The following SMIM22 variants were observed in gnomAD, a reference collection of about 807,000 sequenced individuals.
SMIM22 encodes small integral membrane protein 22, also known as cancer associated small integral membrane open reading frame 1.
Under a neutral mutation model 8.4 loss-of-function variants are expected in SMIM22, and 16 were observed. That is an observed-to-expected ratio of 1.90 (90% confidence interval 1.29 to 2.89). The LOEUF is 2.89. SMIM22 is among the 30% of genes most tolerant of loss of function. The pLI, the probability that SMIM22 is intolerant of heterozygous loss-of-function variation, is 0.00. For synonymous variants in SMIM22, 67 were observed against 47.6 expected (o/e 1.41, Z -1.68); for missense variants, 159 against 107.5 (o/e 1.48, Z -2.12).
At position 4,795,873 on chromosome 16, in the gene SMIM22, G is replaced by GGCCTCTGGGTCCTCCCA; in HGVS notation, c.124+19_124+35dup. Reference sequence around the variant, plus strand: ...CACCTTCATGGGTAAGTGTGGCTGTGGCCTCTGGGTCCTCCCAGCCCCCTG... The same window carrying GGCCTCTGGGTCCTCCCA: ...CACCTTCATGGGTAAGTGTGGCTGTGGCCTCTGGGTCCTCCCAGCCTCTGGGTCCTCCCAGCCCCCTG... On this transcript the variant is annotated intron_variant, in intron 2 of 3. Transcript: ENST00000586005. 6.5e-7 allele frequency: 1 copy of GGCCTCTGGGTCCTCCCA among 1,535,452 alleles called. No homozygotes were observed. The highest frequency in any genetic ancestry group is 8.7e-7 in the Non-Finnish European group (1 of 1,146,520).
At chr16:4,794,402 C>T (rs150131125), upstream of SMIM22, among the ~76,000 whole-genome samples, 5,689 of 150,634 alleles carry the variant, frequency 0.038, 379 homozygotes, top group African/African-American at 0.13. Flanking sequence ...CCACCACACC[C>T]GACCAATTTT....
chr16:4,795,748 C>G lies in SMIM22; in HGVS notation c.14C>G (p.Thr5Arg), dbSNP rs1200471350. 2 of 1,535,854 alleles carry G rather than the reference C, an allele frequency of 1.3e-6. No individual in the cohort carries two copies. Among genetic ancestry groups the G allele is most frequent in the Admixed American group, 2.0e-5 (1 of 50,974 alleles). Reference sequence around the variant, plus strand: ...GTGCACGCCAAGATGGCTGTGTCCACAGAGGAGCTGGAGGCCACGGTTCAG... The same window carrying G: ...GTGCACGCCAAGATGGCTGTGTCCAGAGAGGAGCTGGAGGCCACGGTTCAG... MAVSTEELEATVQEV... is the reference protein window; with the variant it reads MAVSREELEATVQEV... Residue 5 changes from threonine (T) to arginine (R), a missense_variant, in exon 2 of 4, where the codon ACA becomes AGA. By Grantham distance (71) the Thr-to-Arg change is moderately conservative. Coordinates refer to ENST00000586005, the MANE Select transcript of SMIM22 (RefSeq NM_001253794.2).
At position 4,796,043 on chromosome 16, in the gene SMIM22, T is replaced by C; in HGVS notation, c.220T>C (p.Trp74Arg). 1 of 1,529,892 alleles carries C rather than the reference T, an allele frequency of 6.5e-7. No homozygotes were observed. Among genetic ancestry groups the C allele is most frequent in the South Asian group, 1.2e-5 (1 of 83,578 alleles). 94.8% of individuals were successfully genotyped at this position (1,529,892 alleles called of 1,614,324 possible). Reference sequence around the variant, plus strand: ...GGAAAGCCCCAGGAAGGTGAGCCCCTGGAAGGTGAGCCCTGCCGGCCTCTG... The same window carrying C: ...GGAAAGCCCCAGGAAGGTGAGCCCCCGGAAGGTGAGCCCTGCCGGCCTCTG... ...RRESPRKVSP[W>R]KERPKGVDNL... is the part of the protein sequence containing the mutation. Residue 74 changes from tryptophan to arginine, a missense_variant, in exon 3 of 4, where the codon TGG (tryptophan) becomes CGG (arginine). Transcript: ENST00000586005.
At chr16:4,792,896 G>C (rs1295201429), upstream of SMIM22, among the ~76,000 whole-genome samples, 1 of 151,562 alleles carries the variant, frequency 6.6e-6, no homozygotes, top group African/African-American at 2.4e-5. Flanking sequence ...AATCACCTGA[G>C]GTCAGGAGTT....
At chr16:4,790,615 C>T (rs921908045), upstream of SMIM22, among the ~76,000 whole-genome samples, 2 of 152,124 alleles carry the variant, frequency 1.3e-5, no homozygotes, top group Non-Finnish European at 2.9e-5. Flanking sequence ...TGGCGAAACC[C>T]CATCTCTACT....
At chr16:4,790,822 A>ATT (rs563128115), upstream of SMIM22, among the ~76,000 whole-genome samples, 89 of 149,908 alleles carry the variant, frequency 5.9e-4, no homozygotes, top group Admixed American at 1.3e-3. Flanking sequence ...AAGTAAGTAA[A>ATT]TAAATAAAGG....
upstream of SMIM22, among the ~76,000 whole-genome samples, chr16:4,792,357 A>G (rs571908453): frequency 4.0e-5 from 6 of 151,246 alleles, no homozygotes; most frequent in East Asian, 1.2e-3. Context: ...CGCCCGGCTA[A>G]TTTTTTGTAT....
upstream of SMIM22, among the ~76,000 whole-genome samples, chr16:4,790,766 G>C (rs188118058): frequency 7.2e-5 from 11 of 152,312 alleles, no homozygotes; most frequent in African/African-American, 2.4e-4. Context: ...TCCAGCCTGG[G>C]CGACAGAGTA....
rs1210522819 is a variant in SMIM22, at chr16:4,795,756, C to T, written c.22C>T (p.Leu8=). Residue 8 remains leucine, a synonymous_variant, in exon 2 of 4, where the codon CTG becomes TTG. Transcript: ENST00000586005. ...CAAGATGGCTGTGTCCACAGAGGAG[C>T]TGGAGGCCACGGTTCAGGAAGTCCT... MAVSTEE[L]EATVQEVLGR... is the part of the protein sequence containing the mutation. 3.3e-6 allele frequency: 5 copies of T among 1,535,926 alleles called. No homozygotes were observed. Among genetic ancestry groups the T allele is most frequent in the East Asian group, 4.9e-5 (2 of 40,912 alleles).
chr16:4,790,271 C>G (rs2082531606), intron 2 of SMIM22, among the ~76,000 whole-genome samples: 1 of 152,136 alleles, frequency 6.6e-6, no homozygotes, highest in Non-Finnish European at 1.5e-5. Flanking sequence ...GTTGCAACTA[C>G]TATGCAACTT....
chr16:4,796,283 C>G lies in SMIM22; in HGVS notation c.*52C>G, dbSNP rs1958972652. ...AACAAAGCCTTCTGTCTGCCCAGAG[C>G]CTGAGTCTGCAGTGTCTTCCAGTCC... is the stretch of plus-strand genomic sequence containing the variant. On this transcript the variant is annotated 3_prime_UTR_variant, in exon 4 of 4. Transcript: ENST00000586005. 4.6e-6 allele frequency: 7 copies of G among 1,528,550 alleles called. No homozygotes were observed. Among genetic ancestry groups the G allele is most frequent in the Non-Finnish European group, 4.4e-6 (5 of 1,142,244 alleles). 94.7% of individuals were successfully genotyped at this position (1,528,550 alleles called of 1,614,324 possible).
chr16:4,791,321 T>A (rs893888874), upstream of SMIM22, among the ~76,000 whole-genome samples: 3 of 152,002 alleles, frequency 2.0e-5, no homozygotes, highest in South Asian at 4.1e-4. Flanking sequence ...CTATGCAGCG[T>A]GACTATGGTG....
intron 2 of SMIM22, among the ~76,000 whole-genome samples, chr16:4,789,243 C>T (rs755843645): frequency 2.0e-4 from 30 of 152,160 alleles, no homozygotes; most frequent in Non-Finnish European, 3.2e-4. Flanking sequence ...AGCTTCTGAC[C>T]TCAAGTGATC....
At chr16:4,790,727 T>C (rs573076686), upstream of SMIM22, among the ~76,000 whole-genome samples, 1 of 152,266 alleles carries the variant, frequency 6.6e-6, no homozygotes, top group South Asian at 2.1e-4. Flanking sequence ...AGGTGGAGGT[T>C]GCAGTGAGCC....
chr16:4,792,283 C>T (rs1322946813), upstream of SMIM22, among the ~76,000 whole-genome samples: 3 of 151,500 alleles, frequency 2.0e-5, no homozygotes, highest in African/African-American at 7.3e-5. Context: ...CTCCGCCTCC[C>T]GGGTTCATGC....
chr16:4,795,811 A>T lies in SMIM22; in HGVS notation c.77A>T (p.Gln26Leu). The change falls in exon 2 of 4, where the codon CAG becomes CTG. Residue 26 changes from glutamine (Q) to leucine (L), a missense_variant. By Grantham distance (113) the Gln-to-Leu change is moderately radical. Coordinates refer to ENST00000586005, the MANE Select transcript of SMIM22 (RefSeq NM_001253794.2). ...AGACTGAAGAGCCACCAGTTTTTCC[A>T]GTCCACATGGGACACTGTTGCCTTC... ...LGRLKSHQFF[Q>L]STWDTVAFIV... The T allele has an allele frequency of 6.5e-7, 1 of 1,536,006 alleles. No individual in the cohort carries two copies. The highest frequency in any genetic ancestry group is 8.7e-7 in the Non-Finnish European group (1 of 1,146,826).
chr16:4,796,381 G>C lies in SMIM22; in HGVS notation c.*150G>C, dbSNP rs1452793168. 1.6e-5 allele frequency: 14 copies of C among 864,940 alleles called. No homozygotes were observed. The East Asian group carries it at 3.5e-4, about 21-fold the overall frequency. The allele number at this position is 864,940 out of a possible 1,614,324, so 53.6% of individuals were successfully genotyped here. On this transcript the variant is annotated 3_prime_UTR_variant, in exon 4 of 4. Coordinates refer to ENST00000586005, the MANE Select transcript of SMIM22 (RefSeq NM_001253794.2). ...CCTGGCCTCTCCAAGCCTTCAGTCA[G>C]CACGACTGTGCCAGGTCATCCTCAG...
At chr16:4,791,534 G>C (rs923008579), upstream of SMIM22, among the ~76,000 whole-genome samples, 21 of 152,106 alleles carry the variant, frequency 1.4e-4, no homozygotes, top group African/African-American at 4.8e-4. Context: ...AGGCAGAAGG[G>C]CTCAGGGAAC....
chr16:4,793,478 C>A (rs2082585274), upstream of SMIM22, among the ~76,000 whole-genome samples: 4 of 152,106 alleles, frequency 2.6e-5, no homozygotes, highest in African/African-American at 9.7e-5. Flanking sequence ...GCAATAATAC[C>A]CACTTTAGGA....
Sources: allele counts gnomAD v4.1 joint callset (sites outside exome capture counted in the v4.1 genomes callset), GRCh38; gene constraint gnomAD v4.1.1; transcripts MANE v1.5; gene names NCBI Gene and HGNC (gene_info 2026-07-23, HGNC 2026-07-21).